Variants in ZNF541 observed in about 807,000 individuals in gnomAD.
ZNF541 encodes zinc finger protein 541.
Under a neutral mutation model 123.5 loss-of-function variants are expected in ZNF541, and 23 were observed. The ratio of observed to expected loss-of-function variants is 0.19; its 90% CI spans 0.13 to 0.26. The LOEUF (loss-of-function observed/expected upper bound fraction) is 0.26. Among genes scored for constraint, ZNF541 ranks in the 10% least tolerant of loss-of-function variants. The pLI is 1.00. For missense variants in ZNF541, 1,612 were observed against 1,789.9 expected, an observed-to-expected ratio of 0.90 and a Z score of 1.79; for synonymous variants, 751 against 754.5, an observed-to-expected ratio of 1.00 and a Z score of 0.08.
At position 47,525,482 on chromosome 19, in the gene ZNF541, CA is replaced by C. The variant is rs1466313974; in HGVS notation, c.3570+3467del. 5.3e-5 allele frequency among the ~76,000 whole-genome samples: 8 copies of C among 152,286 alleles called. No homozygotes were observed. In the East Asian group the frequency reaches 5.8e-4, roughly 11 times the overall value. The stretch of plus-strand genomic sequence containing the variant: ...CAGTAGTAAAAACAGTATGGTATTA[CA>C]TTTTTTTGTCTTTTCAACAAAAGGT... On this transcript the variant is annotated intron_variant, in intron 14 of 16. Coordinates refer to ENST00000391901, the MANE Select transcript of ZNF541 (RefSeq NM_001277075.3).
At chr19:47,526,486 A>G (rs1262499789) in intron 14 of ZNF541, among the ~76,000 whole-genome samples, 2 of 145,324 alleles carry the variant, frequency 1.4e-5, no homozygotes, top group Non-Finnish European at 3.0e-5. Context: ...CATCTCAAAA[A>G]AAAAAAAAAA....
intron 14 of ZNF541, among the ~76,000 whole-genome samples, chr19:47,522,744 CT>C (rs35868495): frequency 0.47 from 53,028 of 112,334 alleles, 10,850 homozygotes; most frequent in African/African-American, 0.57. Flanking sequence ...TGCAGTGAGC[CT>C]TTTTTTTTTT....
In ZNF541 at chr19:47,545,455, G is replaced by A. The variant is rs1448984445; in HGVS notation, c.1074C>T (p.Ala358=). ...DVFTAPNSRA[A]ENGAPDPPEP... ...CTGGCGGGTCGGGGGCGCCGTTCTCGGCGGCCCTGGAATTAGGGGCTGTGA... is the reference window on the plus strand; with the variant it reads ...CTGGCGGGTCGGGGGCGCCGTTCTCAGCGGCCCTGGAATTAGGGGCTGTGA... The change falls in exon 5 of 17, where the codon GCC becomes GCT. Residue 358 remains alanine (A), a synonymous_variant. Transcript: ENST00000391901. The surrounding 1 kb of genome is among the most constrained non-coding windows in gnomAD (Gnocchi z 7.5). 6.8e-7 allele frequency: 1 copy of A among 1,475,368 alleles called. No homozygotes were observed. The highest frequency in any genetic ancestry group is 1.4e-5 in the African/African-American group (1 of 70,520). The allele number at this position is 1,475,368 out of a possible 1,614,324, so 91.4% of individuals were successfully genotyped here.
At chr19:47,558,907 GCTAA>G (rs1327055311) in intron 2 of ZNF541, among the ~76,000 whole-genome samples, 3 of 151,834 alleles carry the variant, frequency 2.0e-5, no homozygotes, top group African/African-American at 7.2e-5. Flanking sequence ...CCCGCGCCCG[GCTAA>G]CTTTTTGTAT....
chr19:47,523,468 G>C (rs1010496458), intron 14 of ZNF541, among the ~76,000 whole-genome samples: 1 of 151,574 alleles, frequency 6.6e-6, no homozygotes, highest in African/African-American at 2.4e-5. Flanking sequence ...TCAGCTTTGT[G>C]AGTATTCACA....
At chr19:47,566,005 C>T (rs977705796) in intron 2 of ZNF541, among the ~76,000 whole-genome samples, 4 of 151,938 alleles carry the variant, frequency 2.6e-5, no homozygotes, top group Non-Finnish European at 5.9e-5. Context: ...GGCGAAACCC[C>T]GTCTCTACTA....
At chr19:47,527,081 G>A (rs1340477042) in intron 14 of ZNF541, among the ~76,000 whole-genome samples, 3 of 152,202 alleles carry the variant, frequency 2.0e-5, no homozygotes, top group African/African-American at 7.2e-5. Context: ...ACCAAGTAGA[G>A]TCCATACTGT....
rs143675737 is a variant in ZNF541 at position 47,537,934 on chromosome 19, C to T, written c.3094+208G>A. 1.2e-3 allele frequency among the ~76,000 whole-genome samples: 181 copies of T among 152,212 alleles called. 2 individuals carry two copies. The highest frequency in any genetic ancestry group is 4.3e-3 in the African/African-American group (179 of 41,534). On this transcript the variant is annotated intron_variant, in intron 9 of 16. Transcript: ENST00000391901. ...CAGAAGCATGGTCAGGCTAAATGGC[C>T]TCTACGTTTTCTTTCGGGCTGTAAA...
intron 2 of ZNF541, among the ~76,000 whole-genome samples, chr19:47,568,575 G>A (rs528666419): frequency 3.0e-4 from 46 of 151,704 alleles, no homozygotes; most frequent in African/African-American, 8.7e-4. Context: ...ACCTCCTGCC[G>A]TCAAGCAATC....
intron 2 of ZNF541, among the ~76,000 whole-genome samples, chr19:47,562,481 C>A (rs758034694): frequency 3.3e-5 from 5 of 151,960 alleles, no homozygotes; most frequent in African/African-American, 1.2e-4. Flanking sequence ...GAGATGGAGT[C>A]TGCAGTGAGT....
chr19:47,543,245 G>A (rs1015199287), intron 5 of ZNF541, among the ~76,000 whole-genome samples: 5 of 152,156 alleles, frequency 3.3e-5, no homozygotes, highest in South Asian at 2.1e-4. Flanking sequence ...GACCACAGGC[G>A]TGCACCACCA....
chr19:47,521,527 A>G lies in ZNF541; in HGVS notation c.3839T>C (p.Leu1280Ser), dbSNP rs546644837. 1.5e-5 allele frequency: 24 copies of G among 1,551,560 alleles called. 1 individual carries two copies. In the Admixed American group the frequency reaches 4.1e-4, roughly 27 times the overall value. ...NAGSKRTPEL[L>S]GSAESQGIFP... ...AATGCCCTGGCTCTCTGCACTTCCC[A>G]ACAGCTCGGGGGTCCGCTTGGAGCC... The change falls in exon 16 of 17, where the codon TTG (leucine) becomes TCG (serine). Residue 1280 changes from leucine to serine, a missense_variant. Physicochemically the swap from Leu to Ser is moderately radical, Grantham distance 145. Around this residue, in one of 5 missense-constraint regions of ZNF541, gnomAD observed 285 missense variants for 407.3 expected, o/e 0.70. Coordinates refer to ENST00000391901, the MANE Select transcript of ZNF541 (RefSeq NM_001277075.3). This position sits in a 1 kb window ranked among gnomAD's most constrained non-coding sequence, Gnocchi z 4.2.
At chr19:47,530,166 T>C (rs921898250) in intron 12 of ZNF541, among the ~76,000 whole-genome samples, 1 of 146,848 alleles carries the variant, frequency 6.8e-6, no homozygotes, top group African/African-American at 2.6e-5. Flanking sequence ...CTAACAATTT[T>C]CTTTGTTTTT....
At chr19:47,522,866 C>A (rs1485388518) in intron 14 of ZNF541, among the ~76,000 whole-genome samples, 1 of 151,810 alleles carries the variant, frequency 6.6e-6, no homozygotes, top group Non-Finnish European at 1.5e-5. Flanking sequence ...CCTGCCTCAG[C>A]CTCCTGAGTA....
Position 47,540,790 on chromosome 19 carries a change from T to C in ZNF541, c.2462+103A>G. The C allele has an allele frequency of 5.1e-6, 6 of 1,176,098 alleles. No homozygotes were observed. In the Admixed American group the frequency reaches 7.3e-5, roughly 14 times the overall value. 72.9% of individuals were successfully genotyped at this position (1,176,098 alleles called of 1,614,324 possible). On this transcript the variant is annotated intron_variant, in intron 6 of 16. Transcript: ENST00000391901. Reference sequence around the variant, plus strand: ...AATGGAGGCTGTACCCTAATCCCATTAGGACTGAAAGCATCCTCCCCACTC... The same window carrying C: ...AATGGAGGCTGTACCCTAATCCCATCAGGACTGAAAGCATCCTCCCCACTC...
chr19:47,572,885 G>C (rs1249562503), intron 1 of ZNF541, among the ~76,000 whole-genome samples, 198 bp downstream of exon 1: 1 of 152,130 alleles, frequency 6.6e-6, no homozygotes, highest in Non-Finnish European at 1.5e-5. Context: ...GGTTGCAGAA[G>C]ATGCGTGCGT....
chr19:47,552,514 G>A (rs1185480031), intron 3 of ZNF541, among the ~76,000 whole-genome samples: 2 of 151,992 alleles, frequency 1.3e-5, no homozygotes, highest in Admixed American at 1.3e-4. Context: ...GCCTTACTCA[G>A]TCACTTAAAA....
chr19:47,545,472 G>T lies in ZNF541; in HGVS notation c.1057C>A (p.Pro353Thr), dbSNP rs781770536. 1 of 1,482,632 alleles carries T rather than the reference G, an allele frequency of 6.7e-7. No individual in the cohort carries two copies. The highest frequency in any genetic ancestry group is 9.0e-7 in the Non-Finnish European group (1 of 1,113,922). The allele number at this position is 1,482,632 out of a possible 1,614,324, so 91.8% of individuals were successfully genotyped here. Residue 353 changes from proline (P) to threonine (T), a missense_variant, in exon 5 of 17, where the codon CCT becomes ACT. Transcript: ENST00000391901. The surrounding 1 kb of genome is among the most constrained non-coding windows in gnomAD (Gnocchi z 7.5). Reference protein sequence around the residue: ...KEPATDVFTAPNSRAAENGAP... With the variant: ...KEPATDVFTATNSRAAENGAP... ...CCGTTCTCGGCGGCCCTGGAATTAG[G>T]GGCTGTGAACACGTCAGTGGCCGGC...
chr19:47,565,819 T>C (rs903418349), intron 2 of ZNF541, among the ~76,000 whole-genome samples: 2 of 152,214 alleles, frequency 1.3e-5, no homozygotes, highest in African/African-American at 4.8e-5. Flanking sequence ...GATGCCTTAA[T>C]AGTTTTAAAA....
Sources: allele counts gnomAD v4.1 joint callset (sites outside exome capture counted in the v4.1 genomes callset), GRCh38; gene constraint gnomAD v4.1.1; regional missense constraint gnomAD v4.1.1; non-coding constraint Gnocchi (gnomAD v3.1); transcripts MANE v1.5; gene names NCBI Gene and HGNC (gene_info 2026-07-23, HGNC 2026-07-21).